The following VWC2 variants were observed in gnomAD, a reference collection of about 807,000 sequenced individuals.
VWC2 encodes the protein von Willebrand factor C domain containing 2, also known as brorin.
In VWC2, 14 loss-of-function variants were observed where a neutral mutation model predicts 29.8. The ratio of observed to expected loss-of-function variants is 0.47; its 90% CI spans 0.31 to 0.74. VWC2 has a LOEUF of 0.74. Among genes scored for constraint, VWC2 ranks in the 30% least tolerant of loss-of-function variants. VWC2 has a pLI of 0.05. For missense variants in VWC2, 457 were observed against 459.8 expected (o/e 0.99, Z 0.05); for synonymous variants, 213 against 199.0 (o/e 1.07, Z -0.59).
chr7:49,895,395 T>C (rs1051595231), intron 3 of VWC2, among the ~76,000 whole-genome samples: 26 of 152,174 alleles, frequency 1.7e-4, no homozygotes, highest in African/African-American at 6.0e-4. Context: ...GATCACAGCA[T>C]TGTGCATCAG....
intron 1 of VWC2, among the ~76,000 whole-genome samples, chr7:49,774,443 C>T (rs1788007687): frequency 6.6e-6 from 1 of 152,226 alleles, no homozygotes; most frequent in African/African-American, 2.4e-5. Context: ...CGGGCTCTCC[C>T]AGCCCCTTTG....
intron 3 of VWC2, among the ~76,000 whole-genome samples, chr7:49,823,853 T>C (rs1293071082): frequency 6.6e-6 from 1 of 152,230 alleles, no homozygotes; most frequent in East Asian, 1.9e-4. Context: ...CCACCAGTGA[T>C]GAGCATCTTT....
Position 49,882,438 on chromosome 7 carries a change from T to C in VWC2, c.827-29596T>C, listed in dbSNP as rs76968819. On this transcript the variant is annotated intron_variant, in intron 3 of 3. Transcript: ENST00000340652. ...TTAGTCTTTTTCCATATACATCCTATATGGAATTTAGATTTTCACTGTAAA... is the reference window on the plus strand; with the variant it reads ...TTAGTCTTTTTCCATATACATCCTACATGGAATTTAGATTTTCACTGTAAA... 8.5e-3 allele frequency among the ~76,000 whole-genome samples: 1,292 copies of C among 152,216 alleles called. 14 individuals are homozygous for C. Among genetic ancestry groups the C allele is most frequent in the Non-Finnish European group, 0.014 (970 of 67,990 alleles).
At position 49,877,484 on chromosome 7, in the gene VWC2, ATATAT is replaced by A. The variant is rs1562747796; in HGVS notation, c.827-34549_827-34545del. On this transcript the variant is annotated intron_variant, in intron 3 of 3. Coordinates refer to ENST00000340652, the MANE Select transcript of VWC2 (RefSeq NM_198570.5). ...TCTCAAAAAAAAAAAAAAAAAAAATATATATATATATATATATATATATATATATA... is the reference window on the plus strand; with the variant it reads ...TCTCAAAAAAAAAAAAAAAAAAAATAATATATATATATATATATATATATA... 4.1e-3 allele frequency among the ~76,000 whole-genome samples: 108 copies of A among 26,576 alleles called. 24 individuals are homozygous for A. The East Asian group carries it at 0.051, about 13-fold the overall frequency. The allele number at this position is 26,576 out of a possible 152,430, so 17.4% of individuals were successfully genotyped here. A position where few individuals can be genotyped will look rare whatever the true frequency, so the allele number is the denominator to read the frequency against.
intron 3 of VWC2, among the ~76,000 whole-genome samples, chr7:49,868,372 G>C (rs554897218): frequency 6.6e-6 from 1 of 152,248 alleles, no homozygotes; most frequent in East Asian, 1.9e-4. Context: ...TCATTTCCTT[G>C]ATCATAAATC....
At chr7:49,789,100 G>C (rs879488557) in intron 2 of VWC2, among the ~76,000 whole-genome samples, 2 of 123,328 alleles carry the variant, frequency 1.6e-5, no homozygotes, top group African/African-American at 7.2e-5. Flanking sequence ...TTGGGTGTGA[G>C]AGAGAGATTG....
intron 3 of VWC2, among the ~76,000 whole-genome samples, chr7:49,877,672 G>C (rs1200428545): frequency 6.7e-6 from 1 of 149,210 alleles, no homozygotes; most frequent in Non-Finnish European, 1.5e-5. Context: ...GGTACCCCGA[G>C]AGTCATGAAC....
At chr7:49,829,024 T>G (rs1789466619) in intron 3 of VWC2, among the ~76,000 whole-genome samples, 2 of 152,162 alleles carry the variant, frequency 1.3e-5, no homozygotes, top group Admixed American at 1.3e-4. Flanking sequence ...CCTCTCTCTC[T>G]CTCTGCCTCA....
chr7:49,811,784 T>C (rs1013686139), intron 3 of VWC2, among the ~76,000 whole-genome samples: 1 of 152,220 alleles, frequency 6.6e-6, no homozygotes, highest in Non-Finnish European at 1.5e-5. Flanking sequence ...AAACTTACCG[T>C]ATATCCCAGT....
In VWC2 at chr7:49,781,798, A is replaced by G. The variant is rs545263709; in HGVS notation, c.696+5667A>G. Among the ~76,000 whole-genome samples the G allele has an allele frequency of 2.6e-5, 4 of 152,292 alleles. No homozygotes were observed. In the South Asian group the frequency reaches 8.3e-4, roughly 32 times the overall value. ...AAGCATTTATTTACATGGATTTGTC[A>G]TATTTGACTTGGCCATCTGATGAAC... On this transcript the variant is annotated intron_variant, in intron 2 of 3. Transcript: ENST00000340652.
At chr7:49,866,328 T>C (rs692575) in intron 3 of VWC2, among the ~76,000 whole-genome samples, 2,743 of 152,334 alleles carry the variant, frequency 0.018, 90 homozygotes, top group African/African-American at 0.063. Context: ...TTTCCTGTCC[T>C]GACTGGCGTT....
intron 3 of VWC2, among the ~76,000 whole-genome samples, chr7:49,881,254 T>G (rs1457971913): frequency 6.6e-6 from 1 of 152,144 alleles, no homozygotes; most frequent in Non-Finnish European, 1.5e-5. Flanking sequence ...TTTCCAGTTC[T>G]TTTGTTCCAT....
intron 3 of VWC2, among the ~76,000 whole-genome samples, chr7:49,870,211 T>C (rs1791086526): frequency 6.6e-6 from 1 of 152,020 alleles, no homozygotes; most frequent in Admixed American, 6.6e-5. Context: ...CCATCCTGGC[T>C]AAGACAGTGA....
intron 3 of VWC2, among the ~76,000 whole-genome samples, chr7:49,886,538 C>G (rs536305169): frequency 1.1e-3 from 163 of 152,004 alleles, no homozygotes; most frequent in African/African-American, 3.9e-3. Context: ...TTCACTTGTT[C>G]TTATCAAATG....
At chr7:49,813,269 C>T (rs914979886) in intron 3 of VWC2, among the ~76,000 whole-genome samples, 2 of 152,228 alleles carry the variant, frequency 1.3e-5, no homozygotes, top group Admixed American at 6.5e-5. Flanking sequence ...CTGCAGAGCC[C>T]GCAACACAAC....
chr7:49,882,033 C>G (rs921668760), intron 3 of VWC2, among the ~76,000 whole-genome samples: 9 of 151,834 alleles, frequency 5.9e-5, no homozygotes, highest in African/African-American at 2.2e-4. Flanking sequence ...ACCCAAGCGC[C>G]ATCTGCCAGC....
intron 3 of VWC2, among the ~76,000 whole-genome samples, chr7:49,803,720 G>A (rs1169969786): frequency 6.6e-6 from 1 of 152,166 alleles, no homozygotes; most frequent in African/African-American, 2.4e-5. Context: ...TGTGTGGCAT[G>A]GGTTTGGTAT....
At chr7:49,803,671 C>T (rs954943956) in intron 3 of VWC2, among the ~76,000 whole-genome samples, 3 of 152,092 alleles carry the variant, frequency 2.0e-5, no homozygotes, top group African/African-American at 4.8e-5. Context: ...GTGATGCTGT[C>T]GGCCGTTCAT....
chr7:49,895,149 G>A (rs1792321536), intron 3 of VWC2, among the ~76,000 whole-genome samples: 1 of 152,136 alleles, frequency 6.6e-6, no homozygotes, highest in South Asian at 2.1e-4. Context: ...TTTGGTGTTT[G>A]GAGAGGGCCT....
Sources: gnomAD v4.1 joint callset for allele counts (sites outside exome capture counted in the v4.1 genomes callset) on GRCh38, gnomAD v4.1.1 for gene constraint, MANE v1.5 for transcripts, NCBI Gene and HGNC (gene_info 2026-07-23, HGNC 2026-07-21) for gene names.